KHDRBS2: variants seen among roughly 807,000 people sequenced by gnomAD.
The protein encoded by KHDRBS2 is KH RNA binding domain containing, signal transduction associated 2, also known as KH domain-containing, RNA-binding, signal transduction-associated protein 2.
Under a neutral mutation model 44.3 loss-of-function variants are expected in KHDRBS2, and 26 were observed. The observed-to-expected ratio is 0.59, with a 90% CI of 0.43 to 0.81. KHDRBS2 has a LOEUF of 0.81. KHDRBS2 is among the 40% of genes least tolerant of loss of function. The pLI is 0.00. For missense variants in KHDRBS2, 476 were observed against 433.1 expected (o/e 1.10, Z -0.88); for synonymous variants, 194 against 151.1 (o/e 1.28, Z -2.08).
intron 4 of KHDRBS2, among the ~76,000 whole-genome samples, chr6:61,910,120 A>G (rs140186885): frequency 1.3e-5 from 2 of 152,326 alleles, no homozygotes; most frequent in African/African-American, 4.8e-5. Flanking sequence ...AAGGTGTGGG[A>G]AGTGTTGGGT....
intron 2 of KHDRBS2, among the ~76,000 whole-genome samples, chr6:62,162,560 G>A: frequency 6.6e-6 from 1 of 152,068 alleles, no homozygotes; most frequent in East Asian, 1.9e-4. Flanking sequence ...TGTGCTAACA[G>A]TTGAAACGGA....
rs1477074598 is a variant in KHDRBS2 at position 62,240,684 on chromosome 6, A to G, written c.91+45174T>C. Among the ~76,000 whole-genome samples the G allele has an allele frequency of 4.1e-3, 476 of 115,442 alleles. 9 individuals are homozygous for G. The highest frequency in any genetic ancestry group is 5.2e-3 in the African/African-American group (131 of 25,302). The allele number at this position is 115,442 out of a possible 152,430, so 75.7% of individuals were successfully genotyped here. ...TGTATGTGTGTGTGTATATATATAT[A>G]TATATATATATATATATATATATAT... On this transcript the variant is annotated intron_variant, in intron 1 of 8. Coordinates refer to ENST00000281156, the MANE Select transcript of KHDRBS2 (RefSeq NM_152688.4).
intron 6 of KHDRBS2, among the ~76,000 whole-genome samples, chr6:61,839,271 T>G (rs1327885874): frequency 1.3e-5 from 2 of 152,138 alleles, no homozygotes; most frequent in African/African-American, 4.8e-5. Context: ...TATTTATTTC[T>G]GATTATTTGT....
intron 6 of KHDRBS2, among the ~76,000 whole-genome samples, chr6:61,833,469 G>T (rs564952372): frequency 6.6e-6 from 1 of 152,090 alleles, no homozygotes; most frequent in Non-Finnish European, 1.5e-5. Context: ...AATACCATAT[G>T]TTCAGCTTCT....
At chr6:61,740,232 A>C (rs1775951209) in intron 6 of KHDRBS2, among the ~76,000 whole-genome samples, 1 of 151,932 alleles carries the variant, frequency 6.6e-6, no homozygotes, top group African/African-American at 2.4e-5. Flanking sequence ...ATTGATAAGC[A>C]GGTAAAATGA....
At chr6:62,133,337 G>A (rs1810783302) in intron 2 of KHDRBS2, among the ~76,000 whole-genome samples, 1 of 152,158 alleles carries the variant, frequency 6.6e-6, no homozygotes, top group Non-Finnish European at 1.5e-5. Context: ...CATGAGATCT[G>A]ATAGTTTTAT....
At chr6:62,003,508 T>A (rs1778654685) in intron 3 of KHDRBS2, among the ~76,000 whole-genome samples, 1 of 152,008 alleles carries the variant, frequency 6.6e-6, no homozygotes, top group Non-Finnish European at 1.5e-5. Context: ...AGCACCCAGA[T>A]TCATAAAGCA....
At chr6:62,246,174 C>G (rs1373878423) in intron 1 of KHDRBS2, among the ~76,000 whole-genome samples, 1 of 142,248 alleles carries the variant, frequency 7.0e-6, no homozygotes, top group African/African-American at 2.6e-5. Context: ...TAGTGCTAAC[C>G]TTGTTTTATC....
intron 1 of KHDRBS2, among the ~76,000 whole-genome samples, chr6:62,206,979 C>T (rs1828084995): frequency 6.6e-6 from 1 of 152,052 alleles, no homozygotes; most frequent in Non-Finnish European, 1.5e-5. Flanking sequence ...TGTACAGGTA[C>T]ATATACATGC....
intron 6 of KHDRBS2, among the ~76,000 whole-genome samples, chr6:61,783,341 A>G (rs995540769): frequency 1.3e-5 from 2 of 152,070 alleles, no homozygotes; most frequent in African/African-American, 4.8e-5. Context: ...ATCACTTTCT[A>G]TAAGAGGTAC....
At chr6:61,839,319 T>C (rs1260552081) in intron 6 of KHDRBS2, among the ~76,000 whole-genome samples, 1 of 152,076 alleles carries the variant, frequency 6.6e-6, no homozygotes, top group Non-Finnish European at 1.5e-5. Context: ...CCATGACTGT[T>C]TCTATTACTT....
intron 4 of KHDRBS2, among the ~76,000 whole-genome samples, chr6:61,945,526 T>C (rs915615337): frequency 6.6e-6 from 1 of 152,038 alleles, no homozygotes; most frequent in Admixed American, 6.6e-5. Context: ...CTGAATTTAA[T>C]ATTCAAACAC....
intron 3 of KHDRBS2, among the ~76,000 whole-genome samples, chr6:62,002,293 T>G (rs570765130): frequency 6.6e-6 from 1 of 150,724 alleles, no homozygotes; most frequent in African/African-American, 2.4e-5. Flanking sequence ...ATTGGATAAG[T>G]GCTTTTCTCA....
At chr6:61,929,036 C>T (rs1010590444) in intron 4 of KHDRBS2, among the ~76,000 whole-genome samples, 4 of 152,120 alleles carry the variant, frequency 2.6e-5, no homozygotes, top group Middle Eastern at 3.4e-3. Context: ...TACAAGTCTG[C>T]TACAAGCAAA....
intron 3 of KHDRBS2, among the ~76,000 whole-genome samples, chr6:62,029,219 G>A (rs1584252589): frequency 6.6e-6 from 1 of 151,712 alleles, no homozygotes; most frequent in South Asian, 2.1e-4. Context: ...AAAATTCATG[G>A]CAAAATGTTA....
At chr6:61,802,948 T>C (rs1786523328) in intron 6 of KHDRBS2, among the ~76,000 whole-genome samples, 2 of 152,072 alleles carry the variant, frequency 1.3e-5, no homozygotes, top group Admixed American at 6.6e-5. Context: ...CACATCCTAA[T>C]AAAGAGCAGA....
intron 6 of KHDRBS2, among the ~76,000 whole-genome samples, chr6:61,848,469 TTATATATATATATATATATATGTA>T (rs1268218078): frequency 0.04 from 2,957 of 73,694 alleles, 436 homozygotes; most frequent in African/African-American, 0.19. Context: ...AATGGAGGTT[TTATATATATATATATATATATGTA>T]TATATATATA....
At chr6:62,164,130 G>A (rs191660983) in intron 2 of KHDRBS2, among the ~76,000 whole-genome samples, 4 of 151,844 alleles carry the variant, frequency 2.6e-5, no homozygotes, top group East Asian at 1.9e-4. Flanking sequence ...TCTACTGCAC[G>A]TTTTAAGATA....
At chr6:61,635,590 G>A in the KHDRBS2 span, among the ~76,000 whole-genome samples, 1 of 151,802 alleles carries the variant, frequency 6.6e-6, no homozygotes, top group Non-Finnish European at 1.5e-5. Flanking sequence ...GTTGCAAAGG[G>A]GGAAATGAAG....
Sources: allele counts gnomAD v4.1 joint callset (sites outside exome capture counted in the v4.1 genomes callset), GRCh38; gene constraint gnomAD v4.1.1; transcripts MANE v1.5; gene names NCBI Gene and HGNC (gene_info 2026-07-23, HGNC 2026-07-21).